The following PCDH9 variants were observed in gnomAD, a reference collection of about 807,000 sequenced individuals.
PCDH9 encodes the protein protocadherin 9.
Under a neutral mutation model 70.6 loss-of-function variants are expected in PCDH9, and 24 were observed. The ratio of observed to expected loss-of-function variants is 0.34; its 90% CI spans 0.25 to 0.48. The LOEUF is 0.48. Among genes scored for constraint, PCDH9 ranks in the 20% least tolerant of loss-of-function variants. The pLI is 0.99. For synonymous variants in PCDH9, 562 were observed against 558.5 expected (o/e 1.01, Z -0.09); for missense variants, 1,281 against 1,503.6 (o/e 0.85, Z 2.45).
chr13:67,216,296 A>G (rs1038985469), intron 2 of PCDH9: 1 of 152,102 alleles, frequency 6.6e-6, no homozygotes, highest in Non-Finnish European at 1.5e-5. Flanking sequence ...AAATCTTGCC[A>G]TTTAAGACCA....
intron 2 of PCDH9, among the ~76,000 whole-genome samples, chr13:67,007,644 G>C (rs1285151384): frequency 6.6e-6 from 1 of 152,116 alleles, no homozygotes; most frequent in Non-Finnish European, 1.5e-5. Flanking sequence ...TATTCAGGCC[G>C]TGTATATATT....
intron 3 of PCDH9, among the ~76,000 whole-genome samples, chr13:66,684,479 G>C: frequency 6.6e-6 from 1 of 152,224 alleles, no homozygotes; most frequent in East Asian, 1.9e-4. Context: ...GAATCATGGG[G>C]GCAGTTACCT....
At chr13:66,464,187 T>C (rs1394223450) in intron 4 of PCDH9, among the ~76,000 whole-genome samples, 3 of 151,400 alleles carry the variant, frequency 2.0e-5, no homozygotes, top group Admixed American at 1.3e-4. Flanking sequence ...CCCATTAAGA[T>C]AAACGCAGTC....
intron 4 of PCDH9, among the ~76,000 whole-genome samples, chr13:66,452,238 T>C (rs1162008140): frequency 1.3e-5 from 2 of 152,188 alleles, no homozygotes; most frequent in South Asian, 2.1e-4. Context: ...TCTAATAATA[T>C]GACCTATGAC....
At position 66,839,867 on chromosome 13, in the gene PCDH9, C is replaced by T. The variant is rs187175586; in HGVS notation, c.3138+63637G>A. ...GGATTGCCTGGGGTTCTGAAAAAAACTGAAAAGAATAGTTGGAACTATGAA... is the reference window on the plus strand; with the variant it reads ...GGATTGCCTGGGGTTCTGAAAAAAATTGAAAAGAATAGTTGGAACTATGAA... On this transcript the variant is annotated intron_variant, in intron 3 of 4. Transcript: ENST00000377865. 3.7e-4 allele frequency among the ~76,000 whole-genome samples: 56 copies of T among 152,306 alleles called. No individual in the cohort carries two copies. The East Asian group carries it at 4.6e-3, about 13-fold the overall frequency.
At chr13:66,748,025 C>G (rs994731108) in intron 3 of PCDH9, among the ~76,000 whole-genome samples, 1 of 152,104 alleles carries the variant, frequency 6.6e-6, no homozygotes, top group South Asian at 2.1e-4. Flanking sequence ...ATCATTAAAG[C>G]CAATTCATTA....
chr13:66,515,154 C>G (rs1959672227), intron 4 of PCDH9, among the ~76,000 whole-genome samples: 1 of 151,996 alleles, frequency 6.6e-6, no homozygotes, highest in South Asian at 2.1e-4. Flanking sequence ...GAATTTTCCT[C>G]AAGGTACTGT....
At chr13:67,156,806 C>G (rs1413851845) in intron 2 of PCDH9, among the ~76,000 whole-genome samples, 1 of 152,160 alleles carries the variant, frequency 6.6e-6, no homozygotes, top group African/African-American at 2.4e-5. Flanking sequence ...TAAACATTCA[C>G]CCCTAGACAC....
chr13:66,573,505 C>T (rs139503303), intron 4 of PCDH9, among the ~76,000 whole-genome samples: 44 of 152,182 alleles, frequency 2.9e-4, no homozygotes, highest in African/African-American at 9.4e-4. Context: ...GCCTGAACCT[C>T]CTAAATAGAT....
chr13:66,376,583 C>A (rs559209900), intron 4 of PCDH9, among the ~76,000 whole-genome samples: 1 of 151,788 alleles, frequency 6.6e-6, no homozygotes, highest in South Asian at 2.1e-4. Flanking sequence ...AAAATGAAAA[C>A]AAGTTACCCA....
intron 3 of PCDH9, among the ~76,000 whole-genome samples, chr13:66,758,685 G>T (rs1462364430): frequency 6.6e-6 from 1 of 151,924 alleles, no homozygotes; most frequent in South Asian, 2.1e-4. Flanking sequence ...GAAAGCGTTT[G>T]AGAATAATTG....
chr13:66,718,887 A>G (rs921759087), intron 3 of PCDH9, among the ~76,000 whole-genome samples: 1 of 152,204 alleles, frequency 6.6e-6, no homozygotes, highest in Non-Finnish European at 1.5e-5. Context: ...TGCAGCGTGG[A>G]CCAGACACTC....
intron 3 of PCDH9, among the ~76,000 whole-genome samples, chr13:66,770,463 G>A (rs891334721): frequency 6.6e-6 from 1 of 152,182 alleles, no homozygotes; most frequent in Non-Finnish European, 1.5e-5. Flanking sequence ...TAAGGGGACA[G>A]ATCTATAAAA....
intron 3 of PCDH9, among the ~76,000 whole-genome samples, chr13:66,661,700 CAG>C (rs969357135): frequency 7.2e-5 from 11 of 152,278 alleles, no homozygotes; most frequent in African/African-American, 2.4e-4. Context: ...AACACAAACA[CAG>C]ATATCCAATC....
chr13:66,812,712 T>A (rs2080531193), intron 3 of PCDH9, among the ~76,000 whole-genome samples: 2 of 152,134 alleles, frequency 1.3e-5, no homozygotes, highest in South Asian at 4.1e-4. Context: ...CAAGGACTAA[T>A]CTTATGACCA....
chr13:66,691,446 C>T (rs981167), intron 3 of PCDH9, among the ~76,000 whole-genome samples: 117,946 of 152,142 alleles, frequency 0.78, 46,061 homozygotes, highest in East Asian at 0.92. Context: ...TGCTAATAAA[C>T]AACATCTAGT....
rs554265864 is a variant in PCDH9 at position 67,027,392 on chromosome 13, C to T, written c.3037-123787G>A. ...GTAGAAAGCTGAAACTGGATCCCTT[C>T]CTTACACCTTATACAAAAATTAATT... On this transcript the variant is annotated intron_variant, in intron 2 of 4. Coordinates refer to ENST00000377865, the MANE Select transcript of PCDH9 (RefSeq NM_203487.3). Among the ~76,000 whole-genome samples, 743 of 152,288 alleles carry T rather than the reference C, an allele frequency of 4.9e-3. 3 individuals carry two copies. Among genetic ancestry groups the T allele is most frequent in the African/African-American group, 0.017 (688 of 41,556 alleles).
At chr13:66,940,000 A>T (rs1249773034) in intron 2 of PCDH9, among the ~76,000 whole-genome samples, 1 of 152,160 alleles carries the variant, frequency 6.6e-6, no homozygotes, top group Non-Finnish European at 1.5e-5. Flanking sequence ...TTGGATTTCA[A>T]AAATTATTTT....
intron 2 of PCDH9, among the ~76,000 whole-genome samples, chr13:67,093,609 ATG>A (rs1446261830): frequency 8.0e-5 from 12 of 150,074 alleles, no homozygotes; most frequent in African/African-American, 2.5e-4. Flanking sequence ...TATTATACAC[ATG>A]TTTCTCATTA....
Sources: gnomAD v4.1 joint callset for allele counts (sites outside exome capture counted in the v4.1 genomes callset) on GRCh38, gnomAD v4.1.1 for gene constraint, MANE v1.5 for transcripts, NCBI Gene and HGNC (gene_info 2026-07-23, HGNC 2026-07-21) for gene names.